Variants in APBB2 observed in about 807,000 individuals in gnomAD.
The protein encoded by APBB2 is amyloid beta precursor protein binding family B member 2, also known as Fe65-like 1.
In APBB2, 38 loss-of-function variants were observed where a neutral mutation model predicts 82.5. That is an observed-to-expected ratio of 0.46 (90% CI 0.36 to 0.60). The LOEUF is 0.60. Among genes scored for constraint, APBB2 ranks in the 20% least tolerant of loss-of-function variants. APBB2 has a pLI of 0.00. For missense variants in APBB2, 772 were observed against 972.3 expected (o/e 0.79, Z 2.74); for synonymous variants, 341 against 368.2 (o/e 0.93, Z 0.85).
In APBB2 at chr4:40,827,161, G is replaced by A; in HGVS notation, c.1703C>T (p.Ala568Val). 1 of 1,614,168 alleles carries A rather than the reference G, an allele frequency of 6.2e-7. No homozygotes were observed. The change falls in exon 14 of 18, where the codon GCC becomes GTC. Residue 568 changes from alanine (A) to valine (V), a missense_variant. By Grantham distance (64) the Ala-to-Val change is moderately conservative. Transcript: ENST00000508593. ...CAAAGGGACATCGAGGTTCACATTG[G>A]CCCTTTCCTGTAAGGAGCTGCAGGC... The part of the protein sequence containing the change: ...ALACSSLQER[A>V]NVNLDVPLQV...
chr4:41,001,563 G>A (rs1417864694), intron 6 of APBB2, among the ~76,000 whole-genome samples: 2 of 152,162 alleles, frequency 1.3e-5, no homozygotes, highest in Non-Finnish European at 2.9e-5. Flanking sequence ...TTATATTCAA[G>A]AGTAAGTCTA....
chr4:40,911,100 G>T (rs983956187), intron 10 of APBB2, among the ~76,000 whole-genome samples: 1 of 152,228 alleles, frequency 6.6e-6, no homozygotes, highest in Non-Finnish European at 1.5e-5. Context: ...ACAGACATAG[G>T]GTTGACCCTT....
chr4:41,102,736 C>T (rs1157839906), intron 2 of APBB2, among the ~76,000 whole-genome samples: 3 of 152,314 alleles, frequency 2.0e-5, no homozygotes, highest in African/African-American at 7.2e-5. Flanking sequence ...ACAATAACTC[C>T]TAAGTGGCAA....
intron 6 of APBB2, among the ~76,000 whole-genome samples, chr4:40,993,130 C>G (rs1179134651): frequency 6.6e-6 from 1 of 152,174 alleles, no homozygotes; most frequent in Non-Finnish European, 1.5e-5. Flanking sequence ...CACAACCACC[C>G]CACAAGGCAG....
At chr4:40,847,233 C>A (rs1048069033) in intron 12 of APBB2, among the ~76,000 whole-genome samples, 2 of 152,090 alleles carry the variant, frequency 1.3e-5, no homozygotes, top group Non-Finnish European at 2.9e-5. Context: ...GAGGTTGAGG[C>A]AGGTGGATTA....
intron 1 of APBB2, among the ~76,000 whole-genome samples, chr4:41,151,667 G>A (rs1317289037): frequency 5.3e-5 from 8 of 152,074 alleles, no homozygotes; most frequent in Non-Finnish European, 1.2e-4. Flanking sequence ...GCGTTTTGAA[G>A]ATATTTTTCC....
chr4:41,033,237 TG>T lies in APBB2; in HGVS notation c.17del (p.Pro6GlnfsTer44). The T allele has an allele frequency of 6.3e-7, 1 of 1,580,498 alleles. No individual in the cohort carries two copies. Among genetic ancestry groups the T allele is most frequent in the Non-Finnish European group, 8.7e-7 (1 of 1,151,930 alleles). On this transcript the variant is annotated frameshift_variant and splice_region_variant, in exon 5 of 18. Coordinates refer to ENST00000508593, the MANE Select transcript of APBB2 (RefSeq NM_004307.2). LOFTEE classifies it high-confidence loss of function. ...GAAATATGAGAAAATGTATCTGACC[TG>T]GAAGTACTTCTGACATGGATCACCA... is the stretch of plus-strand genomic sequence containing the variant. The part of the protein sequence containing the change: MSEVL[P>X]ADSGVDTLAV...
In APBB2 at chr4:40,944,969, C is replaced by T; in HGVS notation, c.940G>A (p.Gly314Arg). ...AGTYYWHIPTGTTQWERPVSI... is the reference protein window; with the variant it reads ...AGTYYWHIPTRTTQWERPVSI... ...ACGGGCCGTTCCCACTGAGTCGTTC[C>T]TGTTGGGATGTGCCAATAATAGGTC... Residue 314 changes from glycine to arginine, a missense_variant, in exon 7 of 18, where the codon GGA becomes AGA. By Grantham distance (125) the Gly-to-Arg change is moderately radical. Transcript: ENST00000508593. 6.2e-7 allele frequency: 1 copy of T among 1,611,554 alleles called. No individual in the cohort carries two copies. Among genetic ancestry groups the T allele is most frequent in the Non-Finnish European group, 8.5e-7 (1 of 1,178,886 alleles).
At chr4:41,083,837 G>A (rs1197544703) in intron 3 of APBB2, among the ~76,000 whole-genome samples, 1 of 151,668 alleles carries the variant, frequency 6.6e-6, no homozygotes, top group Non-Finnish European at 1.5e-5. Flanking sequence ...CTGTTGACTA[G>A]AAGATACACC....
chr4:40,942,616 G>C (rs1389855672), intron 7 of APBB2, among the ~76,000 whole-genome samples: 1 of 152,164 alleles, frequency 6.6e-6, no homozygotes, highest in Non-Finnish European at 1.5e-5. Flanking sequence ...AGATTTTTAA[G>C]AGCAGTGAGG....
In APBB2 at chr4:40,813,704, A is replaced by G. The variant is rs1269437570; in HGVS notation, c.*2388T>C. 2.0e-5 allele frequency: 3 copies of G among 152,252 alleles called. No homozygotes were observed. The highest frequency in any genetic ancestry group is 4.4e-5 in the Non-Finnish European group (3 of 68,048). 9.4% of individuals were successfully genotyped at this position (152,252 alleles called of 1,614,324 possible). On this transcript the variant is annotated 3_prime_UTR_variant, in exon 18 of 18. Coordinates refer to ENST00000508593, the MANE Select transcript of APBB2 (RefSeq NM_004307.2). ...GCTAGCTCAGAATTCTTGATCTTGA[A>G]AACAAGCAAATGTATGCCTTAAAAA...
chr4:40,945,098 G>A (rs1393123880), intron 6 of APBB2, 25 bp from the exon 7 acceptor site: 1 of 1,254,468 alleles, frequency 8.0e-7, no homozygotes, highest in Non-Finnish European at 1.1e-6. Context: ...GGCGGGGCGG[G>A]GGGAGAAAGA....
chr4:41,145,274 C>T (rs1447833946), intron 1 of APBB2, among the ~76,000 whole-genome samples: 1 of 152,158 alleles, frequency 6.6e-6, no homozygotes, highest in Non-Finnish European at 1.5e-5. Context: ...ACACTGGGGC[C>T]TTGGCAACCC....
At chr4:41,005,293 T>C (rs534790697) in intron 6 of APBB2, among the ~76,000 whole-genome samples, 1 of 152,282 alleles carries the variant, frequency 6.6e-6, no homozygotes, top group African/African-American at 2.4e-5. Flanking sequence ...TTTCACCATG[T>C]TGGCCAGGAT....
At chr4:40,964,865 A>C (rs188492733) in intron 6 of APBB2, among the ~76,000 whole-genome samples, 212 of 152,146 alleles carry the variant, frequency 1.4e-3, no homozygotes, top group African/African-American at 4.1e-3. Flanking sequence ...TCACACCTGT[A>C]ATCTTAGCAC....
chr4:41,204,958 A>G (rs547792801), intron 1 of APBB2, among the ~76,000 whole-genome samples: 2 of 152,328 alleles, frequency 1.3e-5, no homozygotes, highest in East Asian at 3.9e-4. Context: ...GATGTCCACA[A>G]AAGCTCACAT....
chr4:40,915,627 A>G (rs1779648157), intron 10 of APBB2, among the ~76,000 whole-genome samples: 1 of 152,186 alleles, frequency 6.6e-6, no homozygotes, highest in South Asian at 2.1e-4. Flanking sequence ...CTTTTTGCAA[A>G]GTGTCTGAAA....
At chr4:41,194,338 G>A in intron 1 of APBB2, among the ~76,000 whole-genome samples, 1 of 152,128 alleles carries the variant, frequency 6.6e-6, no homozygotes, top group Non-Finnish European at 1.5e-5. Flanking sequence ...GAAAAGAAGA[G>A]AGATCATTTA....
At chr4:41,116,739 G>T (rs55993096) in intron 2 of APBB2, among the ~76,000 whole-genome samples, 10,608 of 152,224 alleles carry the variant, frequency 0.07, 534 homozygotes, top group Non-Finnish European at 0.1. Context: ...TTGTATAAAT[G>T]AGGGGGGTTA....
Sources: gnomAD v4.1 joint callset for allele counts (sites outside exome capture counted in the v4.1 genomes callset) on GRCh38, gnomAD v4.1.1 for gene constraint, MANE v1.5 for transcripts, NCBI Gene and HGNC (gene_info 2026-07-23, HGNC 2026-07-21) for gene names.